SLC24A2: variants seen among roughly 807,000 people sequenced by gnomAD.
SLC24A2 encodes sodium/potassium/calcium exchanger 2.
A neutral mutation model predicts 62.0 loss-of-function variants in SLC24A2; 36 were observed. That is an observed-to-expected ratio of 0.58 (90% CI 0.44 to 0.77). SLC24A2 has a LOEUF of 0.77. Among genes scored for constraint, SLC24A2 ranks in the 30% least tolerant of loss-of-function variants. The pLI is 0.00. For missense variants in SLC24A2, 846 were observed against 817.9 expected (o/e 1.03, Z -0.42); for synonymous variants, 358 against 294.0 (o/e 1.22, Z -2.23).
chr9:20,046,087 C>A, the SLC24A2 span, among the ~76,000 whole-genome samples: 1 of 152,224 alleles, frequency 6.6e-6, no homozygotes, highest in African/African-American at 2.4e-5. Flanking sequence ...AAGAAGAATT[C>A]TGGTGAGTGT....
the SLC24A2 span, among the ~76,000 whole-genome samples, chr9:19,805,084 C>G: frequency 6.6e-6 from 1 of 152,102 alleles, no homozygotes; most frequent in Non-Finnish European, 1.5e-5. Flanking sequence ...ACACAGAATA[C>G]TAACATATTA....
chr9:19,764,938 T>C (rs1220299045), intron 2 of SLC24A2, among the ~76,000 whole-genome samples: 1 of 152,220 alleles, frequency 6.6e-6, no homozygotes, highest in Non-Finnish European at 1.5e-5. Flanking sequence ...TAAATCTCTT[T>C]GTATGTCTCT....
chr9:20,150,504 T>A, the SLC24A2 span, among the ~76,000 whole-genome samples: 2 of 150,084 alleles, frequency 1.3e-5, no homozygotes, highest in African/African-American at 5.0e-5. Context: ...GATGGAAAAG[T>A]AAACTGCTGG....
the SLC24A2 span, among the ~76,000 whole-genome samples, chr9:20,145,200 C>A: frequency 4.6e-5 from 7 of 152,188 alleles, no homozygotes; most frequent in African/African-American, 1.4e-4. Flanking sequence ...GCCCCCAATA[C>A]TGGAATTTAT....
At chr9:19,705,985 C>T (rs1820503388) in intron 2 of SLC24A2, among the ~76,000 whole-genome samples, 1 of 151,962 alleles carries the variant, frequency 6.6e-6, no homozygotes, top group Admixed American at 6.5e-5. Flanking sequence ...TCCTGGGTAT[C>T]CTTGTTAACT....
upstream of SLC24A2, among the ~76,000 whole-genome samples, chr9:19,793,468 T>A (rs1415490379): frequency 1.3e-5 from 2 of 152,224 alleles, no homozygotes; most frequent in Non-Finnish European, 1.5e-5. Flanking sequence ...AAAGTGCAGT[T>A]GCATTGTGTG....
intron 2 of SLC24A2, among the ~76,000 whole-genome samples, chr9:19,756,902 G>GTTTT (rs1564082907): frequency 4.7e-5 from 2 of 42,346 alleles, no homozygotes; most frequent in African/African-American, 6.5e-5. Flanking sequence ...TTTTACTGAA[G>GTTTT]CTTTTTTTTT....
the SLC24A2 span, among the ~76,000 whole-genome samples, chr9:20,187,814 A>G: frequency 6.6e-6 from 1 of 152,180 alleles, no homozygotes; most frequent in African/African-American, 2.4e-5. Flanking sequence ...AGTCTCCCCT[A>G]GACCCTTGCT....
rs546644637 is a variant in SLC24A2, at chr9:19,575,755, A to C, written c.1228+1169T>G. The stretch of plus-strand genomic sequence containing the variant: ...GAGGAGGAGGACTGCGACTGAGCCC[A>C]GGAATCTAATTCTTTTACTCCAAGC... On this transcript the variant is annotated intron_variant, in intron 6 of 10. Coordinates refer to ENST00000341998, the MANE Select transcript of SLC24A2 (RefSeq NM_020344.4). 3.9e-5 allele frequency among the ~76,000 whole-genome samples: 6 copies of C among 152,350 alleles called. No individual in the cohort carries two copies. The East Asian group carries it at 9.6e-4, about 24-fold the overall frequency.
chr9:19,808,915 T>A, the SLC24A2 span, among the ~76,000 whole-genome samples: 2 of 152,240 alleles, frequency 1.3e-5, no homozygotes, highest in African/African-American at 4.8e-5. This position sits in a 1 kb window ranked among gnomAD's most constrained non-coding sequence, Gnocchi z 4.1. Context: ...ATGGACCATT[T>A]AAAATGTTTT....
chr9:19,983,537 G>A, the SLC24A2 span, among the ~76,000 whole-genome samples: 1 of 152,158 alleles, frequency 6.6e-6, no homozygotes, highest in African/African-American at 2.4e-5. Flanking sequence ...CAGCTGCTCG[G>A]GAGGCTGAGG....
the SLC24A2 span, among the ~76,000 whole-genome samples, chr9:20,120,931 GTA>G: frequency 0.23 from 34,178 of 149,224 alleles, 4,332 homozygotes; most frequent in East Asian, 0.56. Flanking sequence ...TCAATTGATT[GTA>G]TATATATATA....
the SLC24A2 span, among the ~76,000 whole-genome samples, chr9:19,941,173 G>T: frequency 6.6e-6 from 1 of 152,154 alleles, no homozygotes; most frequent in Non-Finnish European, 1.5e-5. Context: ...TTCTACAACA[G>T]TCTATATGGG....
chr9:19,869,496 AC>A, the SLC24A2 span, among the ~76,000 whole-genome samples: 1 of 151,820 alleles, frequency 6.6e-6, no homozygotes, highest in East Asian at 1.9e-4. Context: ...CCCTTCACTA[AC>A]TTTTACAGGT....
rs571523493 is a variant in SLC24A2, at chr9:19,531,894, G to C, written c.1480-3756C>G. 1.2e-3 allele frequency among the ~76,000 whole-genome samples: 187 copies of C among 152,180 alleles called. 1 individual carries two copies. The highest frequency in any genetic ancestry group is 4.2e-3 in the African/African-American group (175 of 41,516). ...TTTGAGGACTTCATGTACATAAAAT[G>C]TCTAGCAAAGTACCTCGCACATAAG... On this transcript the variant is annotated intron_variant, in intron 8 of 10. Transcript: ENST00000341998.
At chr9:20,166,275 A>G in the SLC24A2 span, among the ~76,000 whole-genome samples, 1 of 151,992 alleles carries the variant, frequency 6.6e-6, no homozygotes, top group Non-Finnish European at 1.5e-5. Flanking sequence ...CTTGAAATTA[A>G]ACTTTTAACA....
the SLC24A2 span, among the ~76,000 whole-genome samples, chr9:20,047,739 G>A: frequency 6.6e-6 from 1 of 150,786 alleles, no homozygotes; most frequent in Non-Finnish European, 1.5e-5. Context: ...CCAACCACGA[G>A]GGCCCTTCCC....
the SLC24A2 span, among the ~76,000 whole-genome samples, chr9:20,172,427 G>A: frequency 3.5e-4 from 53 of 152,022 alleles, no homozygotes; most frequent in Non-Finnish European, 1.5e-5. Flanking sequence ...TCTTTGAAAA[G>A]ATAGATAAAA....
chr9:20,022,661 A>G, the SLC24A2 span, among the ~76,000 whole-genome samples: 4 of 152,274 alleles, frequency 2.6e-5, no homozygotes, highest in East Asian at 7.7e-4. Flanking sequence ...CTTCTCTCTC[A>G]CCAATTCCAT....
Sources: allele counts gnomAD v4.1 joint callset (sites outside exome capture counted in the v4.1 genomes callset), GRCh38; gene constraint gnomAD v4.1.1; non-coding constraint Gnocchi (gnomAD v3.1); transcripts MANE v1.5; gene names NCBI Gene and HGNC (gene_info 2026-07-23, HGNC 2026-07-21).